The following KIAA0319 variants were observed in gnomAD, a reference collection of about 807,000 sequenced individuals.
KIAA0319 encodes the protein KIAA0319.
In KIAA0319, 83 loss-of-function variants were observed where a neutral mutation model predicts 108.4. The ratio of observed to expected loss-of-function variants is 0.77; its 90% CI spans 0.64 to 0.92. KIAA0319 has a LOEUF of 0.92. Among genes scored for constraint, KIAA0319 ranks in the 40% least tolerant of loss-of-function variants. The pLI is 0.00. For missense variants in KIAA0319, 1,195 were observed against 1,322.4 expected (o/e 0.90, Z 1.49); for synonymous variants, 484 against 510.4 (o/e 0.95, Z 0.70).
chr6:24,581,981 A>T (rs57310311), intron 6 of KIAA0319, among the ~76,000 whole-genome samples: 1,802 of 152,152 alleles, frequency 0.012, 31 homozygotes, highest in African/African-American at 0.037. Flanking sequence ...CCACCTCTAC[A>T]AAAAATACAA....
chr6:24,563,450 T>C lies in KIAA0319; in HGVS notation c.2500A>G (p.Lys834Glu), dbSNP rs1479927332. The change falls in exon 16 of 21, where the codon AAG (lysine) becomes GAG (glutamate). Residue 834 changes from lysine to glutamate, a missense_variant. By Grantham distance (56) the Lys-to-Glu change is moderately conservative (BLOSUM62 1). Transcript: ENST00000378214. Reference sequence around the variant, plus strand: ...GCCAGCTGCCTCACAAGGGTGTCCTTCCGCTGCTCTGTCAGCTGCCCAACA... The same window carrying C: ...GCCAGCTGCCTCACAAGGGTGTCCTCCCGCTGCTCTGTCAGCTGCCCAACA... ...VGVGQLTEQR[K>E]DTLVRQLAVL... 2.5e-6 allele frequency: 4 copies of C among 1,613,570 alleles called. No homozygotes were observed. Among genetic ancestry groups the C allele is most frequent in the Non-Finnish European group, 2.5e-6 (3 of 1,179,938 alleles).
At chr6:24,583,074 C>T in intron 5 of KIAA0319, 1 of 985,174 alleles carries the variant, frequency 1.0e-6, no homozygotes, top group Non-Finnish European at 1.2e-6. Context: ...AAAAACAATG[C>T]ATTTGACAGG....
At chr6:24,583,524 C>T (rs1766949265) in intron 5 of KIAA0319, 80 bp downstream of exon 5, 4 of 905,086 alleles carry the variant, frequency 4.4e-6, no homozygotes, top group South Asian at 1.5e-5. Context: ...AAAGAATCGG[C>T]GTTGTAAATA....
At chr6:24,638,774 G>T (rs1052399806) in intron 1 of KIAA0319, among the ~76,000 whole-genome samples, 1 of 146,530 alleles carries the variant, frequency 6.8e-6, no homozygotes, top group Non-Finnish European at 1.5e-5. Context: ...AAAAAAAAAA[G>T]AATTAGAAAG....
At chr6:24,558,880 G>T in intron 17 of KIAA0319, 133 bp downstream of exon 17, 2 of 895,466 alleles carry the variant, frequency 2.2e-6, no homozygotes, top group Non-Finnish European at 3.3e-6. Context: ...AAACTCTATT[G>T]GAGAAATAAA....
intron 1 of KIAA0319, among the ~76,000 whole-genome samples, chr6:24,607,215 G>A (rs942562827): frequency 3.3e-5 from 5 of 152,196 alleles, no homozygotes; most frequent in African/African-American, 1.2e-4. Flanking sequence ...AATTAGCTGG[G>A]CATGGTGGCA....
intron 1 of KIAA0319, among the ~76,000 whole-genome samples, chr6:24,634,228 CAT>C (rs753285724): frequency 6.6e-6 from 1 of 152,204 alleles, no homozygotes; most frequent in Admixed American, 6.5e-5. Flanking sequence ...GGCAGACTAA[CAT>C]ATGGAGCCAC....
intron 1 of KIAA0319, among the ~76,000 whole-genome samples, chr6:24,602,864 G>A (rs754541915): frequency 2.6e-5 from 4 of 152,262 alleles, no homozygotes; most frequent in South Asian, 2.1e-4. Context: ...ATGATGGCAC[G>A]CAGGTAATAT....
chr6:24,560,932 C>T lies in KIAA0319; in HGVS notation c.2592-1777G>A, dbSNP rs61391977. The stretch of plus-strand genomic sequence containing the variant: ...CAGGGGGTGGATATAATTCAACCCA[C>T]GGCAAGTGTTTCATCATGAAAGGGT... On this transcript the variant is annotated intron_variant, in intron 16 of 20. Transcript: ENST00000378214. Among the ~76,000 whole-genome samples the T allele has an allele frequency of 5.7e-3, 865 of 152,264 alleles. 11 individuals are homozygous for T. The highest frequency in any genetic ancestry group is 0.017 in the African/African-American group (723 of 41,538).
rs116820363 is a variant in KIAA0319, at chr6:24,560,458, G to A, written c.2592-1303C>T. Among the ~76,000 whole-genome samples, 1,021 of 152,310 alleles carry A rather than the reference G, an allele frequency of 6.7e-3. 7 individuals carry two copies. Among genetic ancestry groups the A allele is most frequent in the South Asian group, 0.046 (221 of 4,818 alleles). On this transcript the variant is annotated intron_variant, in intron 16 of 20. Transcript: ENST00000378214. ...TGGCATTTTCCTGGTGGCTAATGGT[G>A]AGCACCTTTTCATGTGCTTATTGGC...
At chr6:24,618,202 AAAG>A in intron 1 of KIAA0319, among the ~76,000 whole-genome samples, 1 of 152,134 alleles carries the variant, frequency 6.6e-6, no homozygotes, top group Admixed American at 6.5e-5. Context: ...AAATTAACTT[AAAG>A]TTGTCCTGAG....
At chr6:24,609,273 C>CAAAAAAAAAAAAA (rs886616830) in intron 1 of KIAA0319, among the ~76,000 whole-genome samples, 3 of 74,728 alleles carry the variant, frequency 4.0e-5, no homozygotes, top group Non-Finnish European at 5.6e-5. Flanking sequence ...GTCTCAAAAA[C>CAAAAAAAAAAAAA]AAAAAAAAAA....
Position 24,601,035 on chromosome 6 carries a change from T to TAGTA in KIAA0319, c.55+10_55+13dup. 1.9e-6 allele frequency: 3 copies of TAGTA among 1,613,506 alleles called. No homozygotes were observed. The highest frequency in any genetic ancestry group is 2.5e-6 in the Non-Finnish European group (3 of 1,179,882). On this transcript the variant is annotated intron_variant, in intron 2 of 20. Transcript: ENST00000378214. ...AAGTCCAACACGGGTATCTCCAGGG[T>TAGTA]AGTAGTTCCCTACCTGCAATTGTCA...
intron 1 of KIAA0319, among the ~76,000 whole-genome samples, chr6:24,622,208 G>T (rs1265061760): frequency 6.6e-6 from 1 of 151,204 alleles, no homozygotes; most frequent in East Asian, 1.9e-4. Context: ...AGCCTCACAT[G>T]AATCAATGAG....
At chr6:24,631,220 A>AG (rs1221552344) in intron 1 of KIAA0319, among the ~76,000 whole-genome samples, 2 of 152,224 alleles carry the variant, frequency 1.3e-5, no homozygotes, top group Admixed American at 1.3e-4. Flanking sequence ...TTGCCGTATC[A>AG]GCCACTACTT....
At chr6:24,565,678 G>A (rs577985263) in intron 14 of KIAA0319, among the ~76,000 whole-genome samples, 2 of 151,208 alleles carry the variant, frequency 1.3e-5, no homozygotes, top group East Asian at 1.9e-4. Flanking sequence ...GCTCGAACTC[G>A]GGCAGCGGAG....
At chr6:24,555,924 A>C (rs1762223562) in intron 18 of KIAA0319, among the ~76,000 whole-genome samples, 1 of 152,228 alleles carries the variant, frequency 6.6e-6, no homozygotes, top group Non-Finnish European at 1.5e-5. Context: ...ATTCTTTCTT[A>C]GAAATGCCAG....
intron 16 of KIAA0319, 116 bp from the exon 17 acceptor site, chr6:24,559,271 G>T: frequency 1.7e-6 from 2 of 1,155,972 alleles, no homozygotes; most frequent in Non-Finnish European, 2.4e-6. Context: ...CAGCTCTGTG[G>T]CTTGCCAAGG....
chr6:24,600,245 A>T (rs1014174757), intron 2 of KIAA0319, among the ~76,000 whole-genome samples: 2 of 152,218 alleles, frequency 1.3e-5, no homozygotes, highest in East Asian at 3.8e-4. Context: ...AGAGTATATT[A>T]AAGATGAAAT....
Sources: gnomAD v4.1 joint callset for allele counts (sites outside exome capture counted in the v4.1 genomes callset) on GRCh38, gnomAD v4.1.1 for gene constraint, MANE v1.5 for transcripts, NCBI Gene and HGNC (gene_info 2026-07-23, HGNC 2026-07-21) for gene names.